The following WDPCP variants were observed in gnomAD, a reference collection of about 807,000 sequenced individuals.
The protein encoded by WDPCP is WD repeat containing planar cell polarity effector.
Under a neutral mutation model 93.1 loss-of-function variants are expected in WDPCP, and 71 were observed. The observed-to-expected ratio is 0.76, with a 90% CI of 0.63 to 0.93. The LOEUF is 0.93. WDPCP is among the 40% of genes least tolerant of loss of function. The pLI is 0.00. For synonymous variants in WDPCP, 315 were observed against 315.0 expected, an observed-to-expected ratio of 1.00 and a Z score of 0.00; for missense variants, 844 against 887.4, an observed-to-expected ratio of 0.95 and a Z score of 0.62.
chr2:63,643,815 T>C (rs1197697137), intron 3 of WDPCP: 3 of 542,828 alleles, frequency 5.5e-6, no homozygotes, highest in Non-Finnish European at 1.1e-5. Context: ...GTTACATCAG[T>C]TTGGACCTTT....
chr2:63,440,002 A>T (rs146632441), intron 6 of WDPCP, 131 bp from the exon 7 acceptor site: 17 of 667,258 alleles, frequency 2.5e-5, no homozygotes, highest in Non-Finnish European at 4.5e-5. Context: ...AATTATAAAG[A>T]TTTTCTTCAC....
At chr2:63,191,195 G>A (rs62180325) in intron 14 of WDPCP, among the ~76,000 whole-genome samples, 24,779 of 151,976 alleles carry the variant, frequency 0.16, 2,217 homozygotes, top group Middle Eastern at 0.23. Context: ...GATCGAGACC[G>A]TCCTGGATAA....
chr2:63,527,596 C>T (rs1703448924), intron 1 of WDPCP, among the ~76,000 whole-genome samples: 1 of 151,992 alleles, frequency 6.6e-6, no homozygotes, highest in Non-Finnish European at 1.5e-5. Context: ...ATATGTGCCA[C>T]ATTTTCTTAA....
At chr2:63,296,590 A>G (rs1308875250) in intron 13 of WDPCP, among the ~76,000 whole-genome samples, 2 of 152,208 alleles carry the variant, frequency 1.3e-5, no homozygotes, top group African/African-American at 4.8e-5. Context: ...AAATGACTTC[A>G]GTAAATTTCC....
chr2:63,358,602 G>A (rs1020496646), intron 12 of WDPCP, among the ~76,000 whole-genome samples: 6 of 152,060 alleles, frequency 3.9e-5, no homozygotes, highest in African/African-American at 1.2e-4. Context: ...GACTACAGGT[G>A]TGCACCATCA....
At chr2:63,235,278 C>T (rs1227670165) in intron 14 of WDPCP, among the ~76,000 whole-genome samples, 1 of 152,046 alleles carries the variant, frequency 6.6e-6, no homozygotes, top group East Asian at 1.9e-4. Context: ...CACACAACCA[C>T]CCAAGATTGA....
chr2:63,168,773 G>T (rs896115474), intron 15 of WDPCP: 3 of 152,212 alleles, frequency 2.0e-5, no homozygotes, highest in Non-Finnish European at 4.4e-5. Context: ...TGGAAAGGGG[G>T]TCAATCAGTA....
At chr2:63,631,237 G>A (rs543364981) in intron 3 of WDPCP, among the ~76,000 whole-genome samples, 43 of 152,088 alleles carry the variant, frequency 2.8e-4, no homozygotes, top group African/African-American at 8.4e-4. Flanking sequence ...GCAAGATTGC[G>A]CCACTGCATT....
chr2:63,333,725 G>C (rs1688149370), intron 12 of WDPCP, among the ~76,000 whole-genome samples: 2 of 152,136 alleles, frequency 1.3e-5, no homozygotes, highest in East Asian at 3.9e-4. Flanking sequence ...TAAGTCTCAT[G>C]CCTCCCTAAA....
chr2:63,770,436 TA>T (rs1447302931), intron 2 of WDPCP, among the ~76,000 whole-genome samples: 2 of 151,988 alleles, frequency 1.3e-5, no homozygotes, highest in Non-Finnish European at 2.9e-5. Flanking sequence ...TGAAGCATAT[TA>T]AATTATCTGT....
In WDPCP at chr2:63,816,007, T is replaced by C. The variant is rs1670928458; in HGVS notation, n.223-2300A>G. Among the ~76,000 whole-genome samples, 14 of 152,296 alleles carry C rather than the reference T, an allele frequency of 9.2e-5. No individual in the cohort carries two copies. The South Asian group carries it at 2.9e-3, about 32-fold the overall frequency. On this transcript the variant is annotated intron_variant and non_coding_transcript_variant, in intron 1 of 4. Coordinates refer to the WDPCP transcript ENST00000467687. ...TTATCTTGAGAAACAAAAATGAAGATAGTAGAATTCTGTATCTTGTCTCTT... is the reference window on the plus strand; with the variant it reads ...TTATCTTGAGAAACAAAAATGAAGACAGTAGAATTCTGTATCTTGTCTCTT...
chr2:63,762,752 T>C (rs933820835), intron 2 of WDPCP, among the ~76,000 whole-genome samples: 3 of 152,162 alleles, frequency 2.0e-5, no homozygotes, highest in Non-Finnish European at 4.4e-5. Context: ...AATCCATGAA[T>C]AAATTAAACC....
At chr2:63,288,643 T>G (rs943050481) in intron 13 of WDPCP, among the ~76,000 whole-genome samples, 3 of 152,204 alleles carry the variant, frequency 2.0e-5, no homozygotes, top group African/African-American at 7.2e-5. Context: ...TTCCACAAAT[T>G]AGGACATTCA....
chr2:63,742,238 A>G (rs1669729361), intron 2 of WDPCP, among the ~76,000 whole-genome samples: 1 of 152,044 alleles, frequency 6.6e-6, no homozygotes, highest in Non-Finnish European at 1.5e-5. Context: ...AGAAACAGGA[A>G]GAAGAGAAAA....
chr2:63,603,159 C>T (rs1198842575), intron 3 of WDPCP, among the ~76,000 whole-genome samples: 4 of 151,942 alleles, frequency 2.6e-5, no homozygotes, highest in Admixed American at 6.6e-5. Context: ...GGGGCTTCAC[C>T]GTGTTGGCCA....
chr2:63,453,028 C>T (rs1698366387), intron 6 of WDPCP, among the ~76,000 whole-genome samples: 1 of 152,172 alleles, frequency 6.6e-6, no homozygotes, highest in Non-Finnish European at 1.5e-5. Context: ...AGGACATAGG[C>T]ATGGACAAGG....
intron 13 of WDPCP, among the ~76,000 whole-genome samples, chr2:63,305,449 C>T (rs998760670): frequency 6.6e-6 from 1 of 152,146 alleles, no homozygotes; most frequent in African/African-American, 2.4e-5. Flanking sequence ...TCCAGCAGAC[C>T]TGCAGTAGAA....
intron 6 of WDPCP, among the ~76,000 whole-genome samples, chr2:63,457,480 A>T (rs534013508): frequency 1.3e-5 from 2 of 152,316 alleles, no homozygotes; most frequent in East Asian, 3.9e-4. Flanking sequence ...ATGATACCGA[A>T]ACCAGACAAG....
intron 14 of WDPCP, among the ~76,000 whole-genome samples, chr2:63,239,380 T>C (rs1215478457): frequency 6.6e-6 from 1 of 152,172 alleles, no homozygotes; most frequent in Admixed American, 6.5e-5. Flanking sequence ...CTTTCCAAAT[T>C]CCCCTTGAGA....
Sources: gnomAD v4.1 joint callset for allele counts (sites outside exome capture counted in the v4.1 genomes callset) on GRCh38, gnomAD v4.1.1 for gene constraint, MANE v1.5 for transcripts, NCBI Gene and HGNC (gene_info 2026-07-23, HGNC 2026-07-21) for gene names.